PTPRN2: variants seen among roughly 807,000 people sequenced by gnomAD.
The protein encoded by PTPRN2 is protein tyrosine phosphatase receptor type N2.
A neutral mutation model predicts 118.8 loss-of-function variants in PTPRN2; 74 were observed. The observed-to-expected ratio is 0.62, with a 90% confidence interval of 0.52 to 0.76. The LOEUF (loss-of-function observed/expected upper bound fraction) is 0.76, where lower values mean the gene tolerates loss of function less well. Ranked by LOEUF, PTPRN2 falls within the 30% of genes least tolerant of loss-of-function variation. The probability of loss-of-function intolerance (pLI) is 0.00; values close to 1 mark genes in which losing one functional copy is unlikely to be tolerated. For missense variants in PTPRN2, 1,481 were observed against 1,394.4 expected (o/e 1.06, Z -0.99); for synonymous variants, 641 against 608.0 (o/e 1.05, Z -0.80).
At position 157,619,290 on chromosome 7, in the gene PTPRN2, C is replaced by T. The variant is rs1175275030; in HGVS notation, c.2344+2072G>A. ...AACACCTCACAATCTAAGTAAATGA[C>T]CAGACACACAGAGACATATAATGCA... On this transcript the variant is annotated intron_variant, in intron 15 of 22. Transcript: ENST00000389418. This position sits in a 1 kb window ranked among gnomAD's most constrained non-coding sequence, Gnocchi z 5.3. 6.6e-6 allele frequency among the ~76,000 whole-genome samples: 1 copy of T among 152,152 alleles called. No homozygotes were observed. Among genetic ancestry groups the T allele is most frequent in the Non-Finnish European group, 1.5e-5 (1 of 68,024 alleles).
intron 6 of PTPRN2, among the ~76,000 whole-genome samples, chr7:158,151,512 C>CCTGT (rs1563522237): frequency 1.3e-5 from 2 of 151,588 alleles, no homozygotes; most frequent in African/African-American, 2.4e-5. Flanking sequence ...CCTTTCTGCT[C>CCTGT]CTCACCGCAC....
chr7:158,347,423 C>T (rs4909069), intron 2 of PTPRN2, among the ~76,000 whole-genome samples: 134,060 of 152,238 alleles, frequency 0.88, 59,703 homozygotes, highest in Non-Finnish European at 0.95. Context: ...GGATTCATTT[C>T]CTGGCTCTCT....
At chr7:157,862,987 G>A (rs1274999715) in intron 12 of PTPRN2, 1 of 152,270 alleles carries the variant, frequency 6.6e-6, no homozygotes, top group Admixed American at 6.5e-5. Context: ...ACGGCACCGC[G>A]AGGAGGCTGG....
intron 11 of PTPRN2, among the ~76,000 whole-genome samples, chr7:158,000,162 C>T (rs1041447885): frequency 1.3e-5 from 2 of 152,226 alleles, no homozygotes; most frequent in African/African-American, 4.8e-5. Context: ...GCTGGGATTA[C>T]AGGCATGAGT....
At chr7:157,691,665 C>T (rs1360260739) in intron 12 of PTPRN2, among the ~76,000 whole-genome samples, 7 of 152,354 alleles carry the variant, frequency 4.6e-5, no homozygotes, top group Admixed American at 3.3e-4. Context: ...CGAGCTGCGT[C>T]CTTGCCCTTC....
At position 158,161,400 on chromosome 7, in the gene PTPRN2, T is replaced by C. The variant is rs1399836649; in HGVS notation, c.910+5531A>G. Among the ~76,000 whole-genome samples, 3 of 152,210 alleles carry C rather than the reference T, an allele frequency of 2.0e-5. No homozygotes were observed. In the East Asian group the frequency reaches 5.8e-4, roughly 29 times the overall value. On this transcript the variant is annotated intron_variant, in intron 6 of 22. Coordinates refer to ENST00000389418, the MANE Select transcript of PTPRN2 (RefSeq NM_002847.5). ...TTGATGACACAGACAAACAGATCAA[T>C]GAAACAGAACAGAGAGCCCAGACAT...
chr7:157,718,666 G>A (rs894584276), intron 12 of PTPRN2, among the ~76,000 whole-genome samples: 16 of 151,620 alleles, frequency 1.1e-4, no homozygotes, highest in Non-Finnish European at 8.8e-5. Context: ...CCAGGCATCC[G>A]CGGTGACACT....
intron 22 of PTPRN2, among the ~76,000 whole-genome samples, chr7:157,547,497 C>T (rs1162314030): frequency 3.9e-5 from 6 of 152,132 alleles, no homozygotes; most frequent in Non-Finnish European, 7.4e-5. Context: ...TGAGCCAAAG[C>T]TCATGAGAAC....
intron 11 of PTPRN2, among the ~76,000 whole-genome samples, chr7:158,054,069 G>A (rs1169481736): frequency 7.2e-6 from 1 of 138,668 alleles, no homozygotes; most frequent in East Asian, 2.1e-4. Context: ...CCTAGAGATG[G>A]AGAGACCCCA....
At position 158,003,789 on chromosome 7, in the gene PTPRN2, A is replaced by G. The variant is rs1213345542; in HGVS notation, c.1723+77509T>C. Reference sequence around the variant, plus strand: ...CACATGGGCTTGGCGGCACCTCCCAACACGCCAAGGCCAGTGGTAAAACGG... The same window carrying G: ...CACATGGGCTTGGCGGCACCTCCCAGCACGCCAAGGCCAGTGGTAAAACGG... On this transcript the variant is annotated intron_variant, in intron 11 of 22. Coordinates refer to ENST00000389418, the MANE Select transcript of PTPRN2 (RefSeq NM_002847.5). This position sits in a 1 kb window ranked among gnomAD's most constrained non-coding sequence, Gnocchi z 5.0. 6.6e-6 allele frequency among the ~76,000 whole-genome samples: 1 copy of G among 152,150 alleles called. No homozygotes were observed. Among genetic ancestry groups the G allele is most frequent in the Non-Finnish European group, 1.5e-5 (1 of 68,030 alleles).
chr7:157,875,407 C>A (rs1795698419), intron 12 of PTPRN2, among the ~76,000 whole-genome samples: 1 of 152,184 alleles, frequency 6.6e-6, no homozygotes, highest in African/African-American at 2.4e-5. Context: ...TTTCTGATAA[C>A]CTTGCTCCGG....
At chr7:158,085,296 C>T (rs62649316) in intron 10 of PTPRN2, among the ~76,000 whole-genome samples, 43,049 of 73,984 alleles carry the variant, frequency 0.58, 13,360 homozygotes, top group South Asian at 0.79. Context: ...ACACCCACGA[C>T]GCCCATCCAC....
Position 157,676,950 on chromosome 7 carries a change from G to A in PTPRN2, c.2001+5775C>T, listed in dbSNP as rs916933595. Among the ~76,000 whole-genome samples, 12 of 152,238 alleles carry A rather than the reference G, an allele frequency of 7.9e-5. No homozygotes were observed. The highest frequency in any genetic ancestry group is 7.7e-4 in the East Asian group (4 of 5,172). On this transcript the variant is annotated intron_variant, in intron 13 of 22. Transcript: ENST00000389418. The surrounding 1 kb of genome is among the most constrained non-coding windows in gnomAD (Gnocchi z 5.6). The stretch of plus-strand genomic sequence containing the variant: ...ACTGGTACACAACACAAGCCTAAGG[G>A]AAGCAGCACCCGCTCCACAGACACC...
At chr7:158,012,647 GCTA>G (rs1452006271) in intron 11 of PTPRN2, among the ~76,000 whole-genome samples, 3 of 152,180 alleles carry the variant, frequency 2.0e-5, no homozygotes, top group Non-Finnish European at 4.4e-5. Flanking sequence ...GCAGGTCGGG[GCTA>G]ATATGGGGAC....
At chr7:157,803,412 C>T (rs1454864678) in intron 12 of PTPRN2, among the ~76,000 whole-genome samples, 2 of 152,362 alleles carry the variant, frequency 1.3e-5, no homozygotes, top group South Asian at 2.1e-4. Flanking sequence ...GATTGTTTCC[C>T]TGCTGATGCA....
At chr7:157,920,411 G>A (rs1798634915) in intron 11 of PTPRN2, among the ~76,000 whole-genome samples, 1 of 152,158 alleles carries the variant, frequency 6.6e-6, no homozygotes, top group African/African-American at 2.4e-5. Flanking sequence ...CAGTTTACAA[G>A]GACACGCTTG....
At chr7:157,702,808 G>A (rs1437073697) in intron 12 of PTPRN2, among the ~76,000 whole-genome samples, 2 of 152,188 alleles carry the variant, frequency 1.3e-5, no homozygotes, top group Non-Finnish European at 2.9e-5. Context: ...GCTGCTCCGC[G>A]CTGCCGAATC....
At chr7:158,232,234 A>C (rs570879872) in intron 3 of PTPRN2, among the ~76,000 whole-genome samples, 1 of 152,262 alleles carries the variant, frequency 6.6e-6, no homozygotes, top group African/African-American at 2.4e-5. Flanking sequence ...AAAGGAAAGA[A>C]GATCCAAATA....
intron 12 of PTPRN2, among the ~76,000 whole-genome samples, chr7:157,781,893 G>A (rs910704587): frequency 6.6e-6 from 1 of 152,184 alleles, no homozygotes; most frequent in Non-Finnish European, 1.5e-5. Context: ...GCCCTTTCTG[G>A]GCTTTCAGGG....
Sources: allele counts gnomAD v4.1 joint callset (sites outside exome capture counted in the v4.1 genomes callset), GRCh38; gene constraint gnomAD v4.1.1; non-coding constraint Gnocchi (gnomAD v3.1); transcripts MANE v1.5; gene names NCBI Gene and HGNC (gene_info 2026-07-23, HGNC 2026-07-21).